LYPLAL1: variants seen among roughly 807,000 people sequenced by gnomAD.
The protein encoded by LYPLAL1 is lysophospholipase-like protein 1.
A neutral mutation model predicts 19.7 loss-of-function variants in LYPLAL1; 23 were observed. The ratio of observed to expected loss-of-function variants is 1.17; its 90% CI spans 0.84 to 1.65. The LOEUF is 1.65. Among genes scored for constraint, LYPLAL1 ranks in the 40% most tolerant of loss-of-function variants. LYPLAL1 has a pLI of 0.00. For synonymous variants in LYPLAL1, 119 were observed against 96.3 expected (o/e 1.24, Z -1.38); for missense variants, 355 against 279.4 (o/e 1.27, Z -1.93).
the LYPLAL1 span, chr1:219,271,704 A>G: frequency 2.6e-5 from 4 of 152,220 alleles, no homozygotes; most frequent in African/African-American, 9.6e-5. Context: ...GCCACCTGCC[A>G]ATAAATGATG....
At chr1:219,344,703 G>A in the LYPLAL1 span, among the ~76,000 whole-genome samples, 2 of 152,108 alleles carry the variant, frequency 1.3e-5, no homozygotes, top group African/African-American at 2.4e-5. Flanking sequence ...GACATCCCCA[G>A]ACTTCCTAAT....
chr1:219,270,346 C>G, the LYPLAL1 span, among the ~76,000 whole-genome samples: 671 of 152,318 alleles, frequency 4.4e-3, 5 homozygotes, highest in Non-Finnish European at 4.4e-3. Flanking sequence ...AAATGTGTTG[C>G]TGCTTTTGCA....
intron 2 of LYPLAL1, among the ~76,000 whole-genome samples, chr1:219,186,262 A>G (rs1656712954): frequency 6.6e-6 from 1 of 151,750 alleles, no homozygotes; most frequent in African/African-American, 2.4e-5. Context: ...ATGGCTTTGC[A>G]TATGGTCTAT....
At chr1:219,195,557 C>A (rs765012124) in intron 3 of LYPLAL1, among the ~76,000 whole-genome samples, 1 of 152,098 alleles carries the variant, frequency 6.6e-6, no homozygotes, top group Non-Finnish European at 1.5e-5. Flanking sequence ...TCTCTTGCCC[C>A]ATCCTCTCTC....
chr1:219,330,572 T>C, the LYPLAL1 span, among the ~76,000 whole-genome samples: 6 of 152,206 alleles, frequency 3.9e-5, no homozygotes, highest in Non-Finnish European at 7.3e-5. Context: ...TTTTATATGA[T>C]TGATATATTA....
At chr1:219,248,228 C>G in the LYPLAL1 span, among the ~76,000 whole-genome samples, 1 of 152,060 alleles carries the variant, frequency 6.6e-6, no homozygotes, top group Admixed American at 6.6e-5. Flanking sequence ...TTAAAAGACT[C>G]TTTGTGCTGC....
rs1216453020 is a variant in LYPLAL1, at chr1:219,208,853, T to C, written c.362-1679T>C. 5.3e-5 allele frequency among the ~76,000 whole-genome samples: 8 copies of C among 152,214 alleles called. No homozygotes were observed. In the East Asian group the frequency reaches 1.2e-3, roughly 22 times the overall value. ...TGGCAAAAAACAATAAAGTTGAGATTTTTTTCTGTGTACTTACAATAAATG... is the reference window on the plus strand; with the variant it reads ...TGGCAAAAAACAATAAAGTTGAGATCTTTTTCTGTGTACTTACAATAAATG... On this transcript the variant is annotated intron_variant, in intron 3 of 4. Coordinates refer to ENST00000366928, the MANE Select transcript of LYPLAL1 (RefSeq NM_138794.5).
At chr1:219,335,484 A>G in the LYPLAL1 span, among the ~76,000 whole-genome samples, 2 of 151,918 alleles carry the variant, frequency 1.3e-5, no homozygotes, top group African/African-American at 2.4e-5. Context: ...AAAAAAAAAC[A>G]TTAGAATTTA....
chr1:219,300,830 C>T, the LYPLAL1 span, among the ~76,000 whole-genome samples: 13 of 151,960 alleles, frequency 8.6e-5, no homozygotes, highest in African/African-American at 2.4e-4. Flanking sequence ...CCACCGTGCC[C>T]GGCCTATCCT....
chr1:219,327,114 A>T, the LYPLAL1 span, among the ~76,000 whole-genome samples: 1 of 152,234 alleles, frequency 6.6e-6, no homozygotes, highest in Non-Finnish European at 1.5e-5. Context: ...AAAAACAAAC[A>T]AACAAAAAAA....
the LYPLAL1 span, among the ~76,000 whole-genome samples, chr1:219,265,584 G>T: frequency 6.6e-6 from 1 of 152,108 alleles, no homozygotes; most frequent in East Asian, 1.9e-4. Flanking sequence ...TTAGCATTTT[G>T]TTCTCTAGTT....
chr1:219,226,737 A>G, the LYPLAL1 span, among the ~76,000 whole-genome samples: 3 of 152,184 alleles, frequency 2.0e-5, no homozygotes, highest in African/African-American at 7.2e-5. Context: ...GTTAATATTT[A>G]TTGCCAAACT....
At chr1:219,386,151 A>G in the LYPLAL1 span, among the ~76,000 whole-genome samples, 2 of 152,170 alleles carry the variant, frequency 1.3e-5, no homozygotes, top group Non-Finnish European at 2.9e-5. Context: ...GCTCAAATGT[A>G]AAATGGGAAG....
At chr1:219,275,664 T>C in the LYPLAL1 span, among the ~76,000 whole-genome samples, 1 of 152,260 alleles carries the variant, frequency 6.6e-6, no homozygotes, top group Non-Finnish European at 1.5e-5. Context: ...AGGTGATCTA[T>C]AGGCAAATAA....
the LYPLAL1 span, among the ~76,000 whole-genome samples, chr1:219,351,761 C>T: frequency 6.6e-6 from 1 of 152,130 alleles, no homozygotes; most frequent in Non-Finnish European, 1.5e-5. Flanking sequence ...TCTTAGTAAA[C>T]AAATACAAAC....
chr1:219,234,347 T>G, the LYPLAL1 span, among the ~76,000 whole-genome samples: 1 of 152,144 alleles, frequency 6.6e-6, no homozygotes, highest in African/African-American at 2.4e-5. Flanking sequence ...AATGTAACTC[T>G]TATTCATAAG....
At chr1:219,372,171 G>T in the LYPLAL1 span, among the ~76,000 whole-genome samples, 3 of 152,082 alleles carry the variant, frequency 2.0e-5, no homozygotes, top group African/African-American at 4.8e-5. Flanking sequence ...TTATTCCAAA[G>T]GACTACCCTC....
rs1174515655 is a variant in LYPLAL1, at chr1:219,212,232, C to T, written c.*504C>T. 6.6e-6 allele frequency: 1 copy of T among 152,030 alleles called. No individual in the cohort carries two copies. Among genetic ancestry groups the T allele is most frequent in the Admixed American group, 6.6e-5 (1 of 15,244 alleles). The allele number at this position is 152,030 out of a possible 1,614,324, so 9.4% of individuals were successfully genotyped here. On this transcript the variant is annotated 3_prime_UTR_variant, in exon 5 of 5. Transcript: ENST00000366928. Reference sequence around the variant, plus strand: ...AGTTGTTACTGGTATTTAATAATAGCAATAGAGGAGTTAAAGACTTTCCCA... The same window carrying T: ...AGTTGTTACTGGTATTTAATAATAGTAATAGAGGAGTTAAAGACTTTCCCA...
At chr1:219,279,401 G>C in the LYPLAL1 span, among the ~76,000 whole-genome samples, 2 of 152,148 alleles carry the variant, frequency 1.3e-5, no homozygotes, top group Non-Finnish European at 2.9e-5. Flanking sequence ...CCCCCAGTCA[G>C]GAGCTTACTT....
Sources: gnomAD v4.1 joint callset for allele counts (sites outside exome capture counted in the v4.1 genomes callset) on GRCh38, gnomAD v4.1.1 for gene constraint, MANE v1.5 for transcripts, NCBI Gene and HGNC (gene_info 2026-07-23, HGNC 2026-07-21) for gene names.